MAPK8: variants seen among roughly 807,000 people sequenced by gnomAD.
The protein encoded by MAPK8 is mitogen-activated protein kinase 8, also known as JUN N-terminal kinase.
Under a neutral mutation model 52.9 loss-of-function variants are expected in MAPK8, and 13 were observed. The ratio of observed to expected loss-of-function variants is 0.25; its 90% confidence interval spans 0.16 to 0.39. MAPK8 has a LOEUF of 0.39. Among genes scored for constraint, MAPK8 ranks in the 10% least tolerant of loss-of-function variants. The pLI, the probability that MAPK8 is intolerant of heterozygous loss-of-function variation, is 1.00. For missense variants in MAPK8, 300 were observed against 519.2 expected, an observed-to-expected ratio of 0.58 and a Z score of 4.10; for synonymous variants, 191 against 169.8, an observed-to-expected ratio of 1.12 and a Z score of -0.97.
Position 48,437,891 on chromosome 10 carries a change from C to T in MAPK8, c.*2862C>T, listed in dbSNP as rs1334043806. The T allele has an allele frequency of 6.6e-6, 1 of 152,202 alleles. No individual in the cohort carries two copies. Among genetic ancestry groups the T allele is most frequent in the African/African-American group, 2.4e-5 (1 of 41,434 alleles). 9.4% of individuals were successfully genotyped at this position (152,202 alleles called of 1,614,324 possible). A position where few individuals can be genotyped will look rare whatever the true frequency, so the allele number is the denominator to read the frequency against. On this transcript the variant is annotated 3_prime_UTR_variant, in exon 12 of 12. Coordinates refer to ENST00000374189, the MANE Select transcript of MAPK8 (RefSeq NM_001323329.2). Reference sequence around the variant, plus strand: ...AGCCTTGTCATTGTTCTGTTCTATGCTAATCCTGCTGTGTTGTCTAAAAGA... The same window carrying T: ...AGCCTTGTCATTGTTCTGTTCTATGTTAATCCTGCTGTGTTGTCTAAAAGA...
intron 1 of MAPK8, among the ~76,000 whole-genome samples, chr10:48,365,026 C>T (rs750530259): frequency 2.6e-5 from 4 of 151,948 alleles, no homozygotes; most frequent in Admixed American, 6.6e-5. Flanking sequence ...ATATAGTGTA[C>T]GATTTAAAGG....
intron 1 of MAPK8, among the ~76,000 whole-genome samples, chr10:48,358,177 C>A (rs1182074417): frequency 6.6e-6 from 1 of 152,118 alleles, no homozygotes; most frequent in African/African-American, 2.4e-5. Context: ...TGGATATATA[C>A]CCCTGACTGG....
chr10:48,339,774 A>G (rs528404624), intron 1 of MAPK8, among the ~76,000 whole-genome samples: 1 of 152,270 alleles, frequency 6.6e-6, no homozygotes, highest in Non-Finnish European at 1.5e-5. Context: ...AAAAGAAGAC[A>G]TACGAGTGGC....
At position 48,434,962 on chromosome 10, in the gene MAPK8, C is replaced by T. The variant is rs765655352; in HGVS notation, c.1217C>T (p.Pro406Leu). 6.3e-5 allele frequency: 102 copies of T among 1,611,666 alleles called. 1 individual carries two copies. In the South Asian group the frequency reaches 9.5e-4, roughly 15 times the overall value. The change falls in exon 12 of 12, where the codon CCG (proline) becomes CTG (leucine). Residue 406 changes from proline (P) to leucine (L), a missense_variant. By Grantham distance (98) the Pro-to-Leu change is moderately conservative. Around this residue, in one of 3 missense-constraint regions of MAPK8, gnomAD observed 119 missense variants for 154.4 expected, o/e 0.77. Transcript: ENST00000374189. Reference protein sequence around the residue: ...VNDVSSMSTDPTLASDTDSSL... With the variant: ...VNDVSSMSTDLTLASDTDSSL... ...GATGTGTCTTCAATGTCAACAGATC[C>T]GACTTTGGCCTCTGATACAGACAGC...
At chr10:48,429,376 TA>T (rs2043983341) in intron 10 of MAPK8, among the ~76,000 whole-genome samples, 1 of 152,234 alleles carries the variant, frequency 6.6e-6, no homozygotes, top group South Asian at 2.1e-4. Flanking sequence ...TTGATTGCTT[TA>T]AAAACATTTA....
rs753205066 is a variant in MAPK8 at position 48,413,970 on chromosome 10, A to G, written c.450+3802A>G. On this transcript the variant is annotated intron_variant, in intron 5 of 11. Coordinates refer to ENST00000374189, the MANE Select transcript of MAPK8 (RefSeq NM_001323329.2). ...TAACGTGTACCACTCAGTGTTTATTATATTTGAAGATTGTATGCTCGTTAC... is the reference window on the plus strand; with the variant it reads ...TAACGTGTACCACTCAGTGTTTATTGTATTTGAAGATTGTATGCTCGTTAC... Among the ~76,000 whole-genome samples, 6 of 151,036 alleles carry G rather than the reference A, an allele frequency of 4.0e-5. No individual in the cohort carries two copies. In the South Asian group the frequency reaches 6.2e-4, roughly 16 times the overall value.
chr10:48,422,664 C>T (rs1305748787), intron 6 of MAPK8, among the ~76,000 whole-genome samples: 3 of 152,008 alleles, frequency 2.0e-5, no homozygotes, highest in African/African-American at 2.4e-5. Flanking sequence ...TTGTCAAAAA[C>T]GGAAACCTTA....
intron 1 of MAPK8, among the ~76,000 whole-genome samples, chr10:48,317,398 C>CGT (rs1554808344): frequency 1.3e-5 from 2 of 151,684 alleles, no homozygotes; most frequent in Non-Finnish European, 2.9e-5. Flanking sequence ...CTCCTGGCCT[C>CGT]GTGATCTTAC....
At chr10:48,400,250 C>CT (rs1209441722) in intron 1 of MAPK8, among the ~76,000 whole-genome samples, 1 of 152,228 alleles carries the variant, frequency 6.6e-6, no homozygotes, top group Admixed American at 6.5e-5. Context: ...CACTACATGA[C>CT]TAGTCCAGTT....
chr10:48,323,556 A>G (rs549419258), intron 1 of MAPK8, among the ~76,000 whole-genome samples: 1 of 152,320 alleles, frequency 6.6e-6, no homozygotes, highest in East Asian at 1.9e-4. Context: ...AATGATACTG[A>G]TTTTGATTTA....
intron 3 of MAPK8, among the ~76,000 whole-genome samples, chr10:48,407,555 T>C (rs1385135219): frequency 6.6e-6 from 1 of 152,162 alleles, no homozygotes; most frequent in Admixed American, 6.5e-5. Flanking sequence ...TTTATTTCCC[T>C]TTTTGAAAAA....
At position 48,404,852 on chromosome 10, in the gene MAPK8, C is replaced by T. The variant is rs778730942; in HGVS notation, c.123C>T (p.Cys41=). 32 of 1,586,230 alleles carry T rather than the reference C, an allele frequency of 2.0e-5. No homozygotes were observed. The highest frequency in any genetic ancestry group is 5.5e-5 in the African/African-American group (4 of 73,328). ...TGTGTTTTTGAATTTCTTATTACAG[C>T]GCAGCTTATGATGCCATTCTTGAAA... ...PIGSGAQGIV[C]AAYDAILERN... Residue 41 remains cysteine, a splice_region_variant and synonymous_variant, in exon 3 of 12, where the codon TGC becomes TGT. Coordinates refer to ENST00000374189, the MANE Select transcript of MAPK8 (RefSeq NM_001323329.2).
intron 1 of MAPK8, among the ~76,000 whole-genome samples, chr10:48,339,762 T>C (rs1336451752): frequency 6.6e-6 from 1 of 152,108 alleles, no homozygotes; most frequent in African/African-American, 2.4e-5. Flanking sequence ...ACAGACCTTC[T>C]CAAAAGAAGA....
At chr10:48,355,263 A>T (rs1846767157) in intron 1 of MAPK8, among the ~76,000 whole-genome samples, 1 of 152,202 alleles carries the variant, frequency 6.6e-6, no homozygotes, top group South Asian at 2.1e-4. Context: ...TAATCCCAGC[A>T]CTTTGGGAGG....
chr10:48,409,815 A>T, intron 3 of MAPK8, 64 bp from the exon 4 acceptor site: 1 of 1,065,448 alleles, frequency 9.4e-7, no homozygotes, highest in Non-Finnish European at 1.4e-6. Flanking sequence ...ATGTATTTGT[A>T]GTTCCCAAAT....
chr10:48,434,382 A>G (rs1156272042), intron 11 of MAPK8, among the ~76,000 whole-genome samples: 1 of 152,220 alleles, frequency 6.6e-6, no homozygotes, highest in Admixed American at 6.5e-5. Flanking sequence ...AAGATGTGCC[A>G]GAAGTACATC....
chr10:48,426,567 G>A, intron 9 of MAPK8, 63 bp downstream of exon 9: 1 of 1,457,834 alleles, frequency 6.9e-7, no homozygotes, highest in African/African-American at 1.4e-5. Flanking sequence ...TGACAGTTAG[G>A]TTTGGAGGAG....
At chr10:48,356,455 G>A (rs569270627) in intron 1 of MAPK8, among the ~76,000 whole-genome samples, 2 of 152,246 alleles carry the variant, frequency 1.3e-5, no homozygotes, top group East Asian at 3.9e-4. Flanking sequence ...AGAAAACAAC[G>A]TGATGGATAT....
intron 3 of MAPK8, among the ~76,000 whole-genome samples, chr10:48,406,602 G>A (rs1332915672): frequency 6.6e-6 from 1 of 152,132 alleles, no homozygotes; most frequent in Non-Finnish European, 1.5e-5. Flanking sequence ...TGAGTATAAA[G>A]CTAAATATGG....
Sources: allele counts gnomAD v4.1 joint callset (sites outside exome capture counted in the v4.1 genomes callset), GRCh38; gene constraint gnomAD v4.1.1; regional missense constraint gnomAD v4.1.1; transcripts MANE v1.5; gene names NCBI Gene and HGNC (gene_info 2026-07-23, HGNC 2026-07-21).